ZMAT5: variants seen among roughly 807,000 people sequenced by gnomAD.
ZMAT5 encodes the protein zinc finger matrin-type 5.
In ZMAT5, 23 loss-of-function variants were observed where a neutral mutation model predicts 28.0. That is an observed-to-expected ratio of 0.82 (90% confidence interval 0.59 to 1.16). The LOEUF is 1.16. ZMAT5 is among the 50% of genes most tolerant of loss of function. The pLI is 0.00. For missense variants in ZMAT5, 173 were observed against 212.7 expected, an observed-to-expected ratio of 0.81 and a Z score of 1.16; for synonymous variants, 76 against 84.1, an observed-to-expected ratio of 0.90 and a Z score of 0.52.
intron 2 of ZMAT5, chr22:29,746,635 C>T: frequency 6.6e-6 from 1 of 152,578 alleles, no homozygotes; most frequent in Non-Finnish European, 1.5e-5. Context: ...CCTGGCTTGG[C>T]CTGCCCAGCC....
At chr22:29,751,885 G>C (rs2068058231) in intron 1 of ZMAT5, among the ~76,000 whole-genome samples, 1 of 152,048 alleles carries the variant, frequency 6.6e-6, no homozygotes, top group Non-Finnish European at 1.5e-5. Context: ...AGGCTGGCTT[G>C]AGCCCAGGAG....
chr22:29,757,322 A>T (rs1451037011), intron 1 of ZMAT5, among the ~76,000 whole-genome samples: 1 of 151,666 alleles, frequency 6.6e-6, no homozygotes, highest in Admixed American at 6.6e-5. Flanking sequence ...GAGCATGCTC[A>T]AGGTCACACA....
At chr22:29,736,932 C>T (rs535189395) in intron 5 of ZMAT5, among the ~76,000 whole-genome samples, 1 of 150,356 alleles carries the variant, frequency 6.7e-6, no homozygotes, top group Admixed American at 6.7e-5. Flanking sequence ...GAGGCTGAGG[C>T]AGGAGAATGG....
chr22:29,765,246 T>C (rs185881773), intron 1 of ZMAT5, among the ~76,000 whole-genome samples: 6 of 148,034 alleles, frequency 4.1e-5, no homozygotes, highest in East Asian at 2.1e-4. Context: ...TGGTGAAACC[T>C]TGTCTCTACT....
At chr22:29,762,281 C>A (rs550551866) in intron 1 of ZMAT5, among the ~76,000 whole-genome samples, 1 of 152,042 alleles carries the variant, frequency 6.6e-6, no homozygotes, top group African/African-American at 2.4e-5. Context: ...TCTTATTTGC[C>A]GATATTTATG....
At chr22:29,763,739 A>G (rs1033729157) in intron 1 of ZMAT5, among the ~76,000 whole-genome samples, 5 of 152,214 alleles carry the variant, frequency 3.3e-5, no homozygotes, top group Non-Finnish European at 7.3e-5. Context: ...CCTGGCCAAC[A>G]TGGTGACACC....
intron 1 of ZMAT5, among the ~76,000 whole-genome samples, chr22:29,763,656 C>G (rs2068180897): frequency 6.6e-6 from 1 of 151,626 alleles, no homozygotes; most frequent in Admixed American, 6.6e-5. Flanking sequence ...GGGGAGATGG[C>G]TCATGTCTGT....
intron 1 of ZMAT5, among the ~76,000 whole-genome samples, chr22:29,761,756 A>G (rs2068159907): frequency 6.6e-6 from 1 of 152,216 alleles, no homozygotes. Flanking sequence ...AAAATACAAA[A>G]GTTAAAATAT....
Position 29,748,109 on chromosome 22 carries a change from G to A in ZMAT5, c.127+309C>T, listed in dbSNP as rs915190000. On this transcript the variant is annotated intron_variant, in intron 2 of 5. Coordinates refer to ENST00000344318, the MANE Select transcript of ZMAT5 (RefSeq NM_001003692.2). The stretch of plus-strand genomic sequence containing the variant: ...CGAGAGCCCTGGTGCTGGACTCAGG[G>A]CTGCCTGCTTCTCTTCACACCCTCC... 54 of 398,108 alleles carry A rather than the reference G, an allele frequency of 1.4e-4. No individual in the cohort carries two copies. The Admixed American group carries it at 1.9e-3, about 14-fold the overall frequency. 24.7% of individuals were successfully genotyped at this position (398,108 alleles called of 1,614,324 possible). A position where few individuals can be genotyped will look rare whatever the true frequency, so the allele number is the denominator to read the frequency against.
intron 1 of ZMAT5, among the ~76,000 whole-genome samples, chr22:29,758,515 T>G (rs998157817): frequency 6.6e-6 from 1 of 151,884 alleles, no homozygotes; most frequent in African/African-American, 2.4e-5. Flanking sequence ...TCCAGCTACT[T>G]GGGGGGCTGA....
intron 5 of ZMAT5, among the ~76,000 whole-genome samples, chr22:29,734,787 T>C (rs140108): frequency 0.77 from 116,861 of 152,126 alleles, 45,274 homozygotes; most frequent in East Asian, 0.9. Context: ...GGTGAGAAGG[T>C]GAGATCCGAC....
rs564659843 is a variant in ZMAT5 at position 29,766,407 on chromosome 22, C to T, written c.-28+465G>A. Among the ~76,000 whole-genome samples the T allele has an allele frequency of 2.3e-4, 35 of 152,354 alleles. No individual in the cohort carries two copies. In the South Asian group the frequency reaches 2.5e-3, roughly 11 times the overall value. On this transcript the variant is annotated intron_variant, in intron 1 of 5. Coordinates refer to ENST00000344318, the MANE Select transcript of ZMAT5 (RefSeq NM_001003692.2). ...CCACTGCCTCTCCAGTCAACCAAAG[C>T]ACTATCTGTTTGCTGTACTGCATCT...
chr22:29,755,946 C>T (rs2068097719), intron 1 of ZMAT5, among the ~76,000 whole-genome samples: 1 of 152,260 alleles, frequency 6.6e-6, no homozygotes, highest in Non-Finnish European at 1.5e-5. Flanking sequence ...CTCCATCCCA[C>T]TGTCCTGCCG....
At chr22:29,755,979 T>TA (rs2068098213) in intron 1 of ZMAT5, among the ~76,000 whole-genome samples, 2 of 152,252 alleles carry the variant, frequency 1.3e-5, no homozygotes, top group Non-Finnish European at 2.9e-5. Flanking sequence ...AGGGCAAACA[T>TA]TTGCGCTTCA....
chr22:29,748,450 T>G lies in ZMAT5; in HGVS notation c.95A>C (p.Lys32Thr). Residue 32 changes from lysine to threonine, a missense_variant, in exon 2 of 6, where the codon AAG becomes ACG. By Grantham distance (78) the Lys-to-Thr change is moderately conservative. Coordinates refer to ENST00000344318, the MANE Select transcript of ZMAT5 (RefSeq NM_001003692.2). ...KKHLNGLQHL[K>T]AKKVWYDMFR... is the part of the protein sequence containing the mutation. ...CATGTCGTACCAGACCTTCTTGGCC[T>G]TGAGGTGCTGCAGCCCGTTCAGGTG... is the stretch of plus-strand genomic sequence containing the variant. The G allele has an allele frequency of 6.2e-7, 1 of 1,614,226 alleles. No individual in the cohort carries two copies. Among genetic ancestry groups the G allele is most frequent in the Non-Finnish European group, 8.5e-7 (1 of 1,180,038 alleles).
rs1473493699 is a variant in ZMAT5 at position 29,751,981 on chromosome 22, C to T, written c.-27-3410G>A. Reference sequence around the variant, plus strand: ...ACCCCCATCCAAAAAAAAAAAGTCTCCTTCCAACAAATCATAATAATGACA... The same window carrying T: ...ACCCCCATCCAAAAAAAAAAAGTCTTCTTCCAACAAATCATAATAATGACA... On this transcript the variant is annotated intron_variant, in intron 1 of 5. Transcript: ENST00000344318. 2.0e-5 allele frequency among the ~76,000 whole-genome samples: 3 copies of T among 152,132 alleles called. No individual in the cohort carries two copies. In the East Asian group the frequency reaches 5.8e-4, roughly 29 times the overall value.
Position 29,743,799 on chromosome 22 carries a change from C to T in ZMAT5, c.128-1319G>A, listed in dbSNP as rs372890626. ...CTTGATAGGCAAGCTATTAATCAGT[C>T]AAAATCTGTAAGGAAGTAGGGTACC... is the stretch of plus-strand genomic sequence containing the variant. On this transcript the variant is annotated intron_variant, in intron 2 of 5. Transcript: ENST00000344318. Among the ~76,000 whole-genome samples the T allele has an allele frequency of 8.9e-4, 135 of 152,262 alleles. 1 individual carries two copies. The South Asian group carries it at 0.027, about 31-fold the overall frequency.
intron 1 of ZMAT5, among the ~76,000 whole-genome samples, chr22:29,756,782 G>A (rs945664375): frequency 2.6e-5 from 4 of 151,860 alleles, no homozygotes; most frequent in South Asian, 2.1e-4. Flanking sequence ...GCATGGTGGC[G>A]CACACCTTTA....
rs144551802 is a variant in ZMAT5, at chr22:29,734,405, T to C, written c.384-3051A>G. 7.6e-4 allele frequency among the ~76,000 whole-genome samples: 115 copies of C among 152,300 alleles called. 1 individual carries two copies. Among genetic ancestry groups the C allele is most frequent in the African/African-American group, 2.6e-3 (109 of 41,566 alleles). On this transcript the variant is annotated intron_variant, in intron 5 of 5. Transcript: ENST00000344318. ...GGGGTGGGCAGCTCTCTGTGCCTTG[T>C]ACTCTGGGGGAGGAAGCAGATACCC... is the stretch of plus-strand genomic sequence containing the variant.
Sources: gnomAD v4.1 joint callset for allele counts (sites outside exome capture counted in the v4.1 genomes callset) on GRCh38, gnomAD v4.1.1 for gene constraint, MANE v1.5 for transcripts, NCBI Gene and HGNC (gene_info 2026-07-23, HGNC 2026-07-21) for gene names.